SARNP: variants seen among roughly 807,000 people sequenced by gnomAD.
SARNP encodes the protein SAP domain-containing ribonucleoprotein.
SARNP carries 5 observed loss-of-function variants against 38.1 expected under a neutral mutation model. That is an observed-to-expected ratio of 0.13 (90% CI 0.07 to 0.28). The LOEUF (loss-of-function observed/expected upper bound fraction) is 0.28, where lower values mean the gene tolerates loss of function less well. SARNP is among the 10% of genes least tolerant of loss of function. SARNP has a pLI of 1.00. For synonymous variants in SARNP, 84 were observed against 80.6 expected, an observed-to-expected ratio of 1.04 and a Z score of -0.23; for missense variants, 180 against 243.9, an observed-to-expected ratio of 0.74 and a Z score of 1.75.
chr12:55,768,508 C>T (rs976843542), intron 9 of SARNP, among the ~76,000 whole-genome samples: 40 of 142,806 alleles, frequency 2.8e-4, no homozygotes, highest in African/African-American at 1.0e-3. Context: ...CACTGCAACC[C>T]CCACCTCCCG....
At chr12:55,768,450 A>C (rs1878911049) in intron 9 of SARNP, among the ~76,000 whole-genome samples, 1 of 148,058 alleles carries the variant, frequency 6.8e-6, no homozygotes, top group South Asian at 2.1e-4. Flanking sequence ...TTTGAGACTG[A>C]GTCCCACTCC....
At chr12:55,771,866 C>T (rs893020308) in intron 9 of SARNP, among the ~76,000 whole-genome samples, 11 of 151,946 alleles carry the variant, frequency 7.2e-5, no homozygotes, top group African/African-American at 2.4e-4. Context: ...GGCTTTCAGG[C>T]GATGGTAGAT....
At chr12:55,810,782 T>C (rs1435381573) in intron 1 of SARNP, among the ~76,000 whole-genome samples, 1 of 150,556 alleles carries the variant, frequency 6.6e-6, no homozygotes, top group African/African-American at 2.4e-5. Flanking sequence ...TTATCAGAAA[T>C]CTTTTTCACG....
chr12:55,776,332 G>A (rs1271053382), intron 9 of SARNP, among the ~76,000 whole-genome samples: 1 of 152,018 alleles, frequency 6.6e-6, no homozygotes, highest in Non-Finnish European at 1.5e-5. Context: ...TACTTGTTGG[G>A]GATGAGGTGG....
chr12:55,775,528 C>CA (rs1170184393), intron 9 of SARNP, among the ~76,000 whole-genome samples: 3,625 of 52,540 alleles, frequency 0.069, 70 homozygotes, highest in Middle Eastern at 0.16. Flanking sequence ...CGCTCTGTCT[C>CA]AAAAAAAAAA....
chr12:55,792,168 A>G (rs1439185150), intron 7 of SARNP, among the ~76,000 whole-genome samples: 3 of 152,180 alleles, frequency 2.0e-5, no homozygotes, highest in Non-Finnish European at 2.9e-5. Context: ...GATGCAACTA[A>G]GAGCCAGAAA....
chr12:55,781,543 A>AAC (rs1555172409), intron 9 of SARNP, among the ~76,000 whole-genome samples: 1 of 151,850 alleles, frequency 6.6e-6, no homozygotes, highest in Non-Finnish European at 1.5e-5. Flanking sequence ...CAAAAAAAAA[A>AAC]AAAAACAAAA....
chr12:55,760,949 G>A (rs1310194010), intron 9 of SARNP, among the ~76,000 whole-genome samples: 1 of 152,062 alleles, frequency 6.6e-6, no homozygotes, highest in Non-Finnish European at 1.5e-5. Flanking sequence ...GGCTGAGGCG[G>A]GTGGATCAGG....
At chr12:55,809,920 T>G (rs1443937561) in intron 1 of SARNP, among the ~76,000 whole-genome samples, 1 of 152,154 alleles carries the variant, frequency 6.6e-6, no homozygotes, top group African/African-American at 2.4e-5. Flanking sequence ...TTGGGAAAAG[T>G]GTAGGAAAGA....
chr12:55,770,538 C>T (rs541925459), intron 9 of SARNP, among the ~76,000 whole-genome samples: 5 of 152,098 alleles, frequency 3.3e-5, no homozygotes, highest in Admixed American at 2.6e-4. Flanking sequence ...CACGCCCAGC[C>T]TATAACTAGA....
At chr12:55,798,480 G>C (rs992230533) in intron 4 of SARNP, among the ~76,000 whole-genome samples, 3 of 152,096 alleles carry the variant, frequency 2.0e-5, no homozygotes, top group African/African-American at 7.2e-5. Flanking sequence ...CCTGGACAAC[G>C]GAGTGAGTCC....
chr12:55,763,440 T>C (rs1878736746), intron 9 of SARNP, among the ~76,000 whole-genome samples: 1 of 151,952 alleles, frequency 6.6e-6, no homozygotes, highest in African/African-American at 2.4e-5. Flanking sequence ...GCCTCCTGAG[T>C]AGCTGGGACT....
intron 9 of SARNP, among the ~76,000 whole-genome samples, chr12:55,770,966 G>A (rs1030281806): frequency 1.4e-5 from 2 of 141,002 alleles, no homozygotes; most frequent in Non-Finnish European, 3.0e-5. Context: ...ACAGAGTTTC[G>A]CTCTTGTTGC....
intron 9 of SARNP, among the ~76,000 whole-genome samples, chr12:55,784,693 T>C (rs566587905): frequency 1.2e-4 from 18 of 152,216 alleles, no homozygotes; most frequent in Admixed American, 2.0e-4. Flanking sequence ...AAGCTAGATA[T>C]GAGTTGTCCG....
chr12:55,816,788 T>C, intron 1 of SARNP, among the ~76,000 whole-genome samples: 1 of 152,202 alleles, frequency 6.6e-6, no homozygotes, highest in African/African-American at 2.4e-5. Flanking sequence ...TTTTTTTAAC[T>C]TTTTTATATA....
chr12:55,789,909 A>G (rs1005942119), intron 8 of SARNP, among the ~76,000 whole-genome samples: 1 of 148,168 alleles, frequency 6.7e-6, no homozygotes, highest in African/African-American at 2.5e-5. Flanking sequence ...GCACCACTGC[A>G]CTCCAGCCTG....
rs760831045 is a variant in SARNP at position 55,757,513 on chromosome 12, C to G, written c.632G>C (p.Ter211SerextTer1). The change falls in exon 11 of 11, where the codon TGA becomes TCA. Residue 211 changes from the stop codon to serine (S), a stop_lost. Transcript: ENST00000336133. ...RKRAERFGIA[*>S] ...ACAGAAAGTATCAGGAACTTTTCAT[C>G]AGGCAATCCCAAAGCGCTCTGCTCT... The G allele has an allele frequency of 6.2e-7, 1 of 1,605,608 alleles. No homozygotes were observed. The highest frequency in any genetic ancestry group is 1.3e-5 in the African/African-American group (1 of 74,334).
At chr12:55,763,877 T>TA (rs1169664748) in intron 9 of SARNP, among the ~76,000 whole-genome samples, 2 of 152,228 alleles carry the variant, frequency 1.3e-5, no homozygotes, top group Non-Finnish European at 2.9e-5. Flanking sequence ...ATACGAGGAT[T>TA]GGAATCCAGG....
At chr12:55,781,437 G>C (rs374180722) in intron 9 of SARNP, among the ~76,000 whole-genome samples, 11 of 151,944 alleles carry the variant, frequency 7.2e-5, no homozygotes, top group African/African-American at 2.2e-4. Context: ...GGGAGGTCAA[G>C]GCAGGAGAAT....
Sources: allele counts gnomAD v4.1 joint callset (sites outside exome capture counted in the v4.1 genomes callset), GRCh38; gene constraint gnomAD v4.1.1; transcripts MANE v1.5; gene names NCBI Gene and HGNC (gene_info 2026-07-23, HGNC 2026-07-21).